MACROD2: variants seen among roughly 807,000 people sequenced by gnomAD.
The protein encoded by MACROD2 is ADP-ribose glycohydrolase MACROD2.
In MACROD2, 36 loss-of-function variants were observed where a neutral mutation model predicts 70.4. The observed-to-expected ratio is 0.51, with a 90% CI of 0.39 to 0.68. The LOEUF (loss-of-function observed/expected upper bound fraction) is 0.68. Among genes scored for constraint, MACROD2 ranks in the 30% least tolerant of loss-of-function variants. MACROD2 has a pLI of 0.00. For synonymous variants in MACROD2, 172 were observed against 178.8 expected (o/e 0.96, Z 0.30); for missense variants, 496 against 538.4 (o/e 0.92, Z 0.78).
chr20:15,689,195 T>C (rs2050266792), intron 8 of MACROD2, among the ~76,000 whole-genome samples: 2 of 152,024 alleles, frequency 1.3e-5, no homozygotes, highest in Non-Finnish European at 2.9e-5. Flanking sequence ...TCCCAGCTAC[T>C]CAGGAGGCTG....
rs531071798 is a variant in MACROD2 at position 15,794,856 on chromosome 20, G to A, written c.646-67889G>A. Reference sequence around the variant, plus strand: ...TTCTCTCAAACCATATGCCACTAACGCCTGATTAGCTATGATCAGATAGAC... The same window carrying A: ...TTCTCTCAAACCATATGCCACTAACACCTGATTAGCTATGATCAGATAGAC... On this transcript the variant is annotated intron_variant, in intron 8 of 17. Coordinates refer to ENST00000684519, the MANE Select transcript of MACROD2 (RefSeq NM_001351661.2). Among the ~76,000 whole-genome samples the A allele has an allele frequency of 4.6e-5, 7 of 152,208 alleles. No individual in the cohort carries two copies. In the South Asian group the frequency reaches 6.2e-4, roughly 14 times the overall value.
intron 4 of MACROD2, among the ~76,000 whole-genome samples, chr20:14,676,297 T>C (rs2123573363): frequency 6.6e-6 from 1 of 152,104 alleles, no homozygotes; most frequent in East Asian, 1.9e-4. Flanking sequence ...ACAACACACT[T>C]ATTCCACATA....
intron 3 of MACROD2, among the ~76,000 whole-genome samples, chr20:14,196,642 T>G (rs1015827141): frequency 1.6e-4 from 24 of 152,202 alleles, no homozygotes; most frequent in African/African-American, 5.8e-4. Context: ...TTGGTGTATA[T>G]TTCAGCATGA....
At chr20:15,829,686 T>G (rs2064033637) in intron 8 of MACROD2, among the ~76,000 whole-genome samples, 1 of 152,178 alleles carries the variant, frequency 6.6e-6, no homozygotes, top group Non-Finnish European at 1.5e-5. Flanking sequence ...TCAAAAAGCA[T>G]ATGAAGTGCC....
At chr20:14,659,147 C>T (rs1015720098) in intron 4 of MACROD2, among the ~76,000 whole-genome samples, 1 of 152,018 alleles carries the variant, frequency 6.6e-6, no homozygotes, top group Non-Finnish European at 1.5e-5. Flanking sequence ...AATAACTAGC[C>T]TTTTTCATGA....
chr20:15,647,811 C>T (rs1458450505), intron 8 of MACROD2, among the ~76,000 whole-genome samples: 1 of 151,786 alleles, frequency 6.6e-6, no homozygotes, highest in African/African-American at 2.4e-5. Flanking sequence ...CCTCAGCCTC[C>T]CAGGTTCAAG....
chr20:15,135,962 T>A (rs1012569934), intron 5 of MACROD2, among the ~76,000 whole-genome samples: 21 of 150,388 alleles, frequency 1.4e-4, no homozygotes, highest in African/African-American at 5.1e-4. Context: ...CCATTCACAA[T>A]TGCTTCAAAG....
intron 4 of MACROD2, among the ~76,000 whole-genome samples, chr20:14,561,805 C>T (rs747208020): frequency 6.6e-6 from 1 of 151,748 alleles, no homozygotes; most frequent in East Asian, 1.9e-4. Context: ...CTAGTGCTGC[C>T]TCTTCTCTAT....
chr20:16,038,528 T>TG (rs199554522), intron 15 of MACROD2, among the ~76,000 whole-genome samples: 18 of 126,792 alleles, frequency 1.4e-4, no homozygotes, highest in African/African-American at 3.5e-4. Context: ...CTTGTTTTTG[T>TG]GGGGTTTTTT....
chr20:14,132,363 A>G (rs557485406), intron 3 of MACROD2, among the ~76,000 whole-genome samples: 1 of 151,986 alleles, frequency 6.6e-6, no homozygotes, highest in East Asian at 2.0e-4. Context: ...GGCTTTATTG[A>G]CAGCCTTTGA....
Position 15,431,623 on chromosome 20 carries a change from G to A in MACROD2, c.571+188G>A, listed in dbSNP as rs142773059. Among the ~76,000 whole-genome samples the A allele has an allele frequency of 7.2e-5, 11 of 152,056 alleles. No homozygotes were observed. In the East Asian group the frequency reaches 2.1e-3, roughly 29 times the overall value. ...AGATTCTTTTGGGTTCTTGAATTTG[G>A]TTATATCGGGTATCACATGAAATTA... On this transcript the variant is annotated intron_variant, in intron 7 of 17. Transcript: ENST00000684519.
At chr20:14,505,971 T>C (rs1003167356) in intron 4 of MACROD2, among the ~76,000 whole-genome samples, 8 of 152,208 alleles carry the variant, frequency 5.3e-5, no homozygotes. Flanking sequence ...CTGAACTTCA[T>C]AGTTGGAATC....
intron 3 of MACROD2, among the ~76,000 whole-genome samples, chr20:14,312,469 A>G (rs2082575910): frequency 6.6e-6 from 1 of 152,234 alleles, no homozygotes; most frequent in Non-Finnish European, 1.5e-5. Flanking sequence ...TTGAGGTAAT[A>G]TAAAAATTAT....
chr20:15,244,974 A>T (rs535219795), intron 6 of MACROD2, among the ~76,000 whole-genome samples: 27 of 152,246 alleles, frequency 1.8e-4, no homozygotes, highest in Non-Finnish European at 3.4e-4. Context: ...AGATCAGCAG[A>T]ACTCTCCATA....
intron 10 of MACROD2, among the ~76,000 whole-genome samples, chr20:15,929,758 T>C (rs1288501206): frequency 6.6e-6 from 1 of 152,190 alleles, no homozygotes; most frequent in East Asian, 1.9e-4. Context: ...AACTCTCCCA[T>C]GTAGAGTCAA....
At chr20:16,032,183 T>C (rs2067160260) in intron 15 of MACROD2, among the ~76,000 whole-genome samples, 1 of 152,136 alleles carries the variant, frequency 6.6e-6, no homozygotes, top group South Asian at 2.1e-4. Context: ...TGTTTTCACC[T>C]GTAAGTGGGA....
intron 5 of MACROD2, among the ~76,000 whole-genome samples, chr20:14,980,542 T>C (rs551538185): frequency 1.3e-5 from 2 of 152,190 alleles, no homozygotes; most frequent in Non-Finnish European, 2.9e-5. Flanking sequence ...CAGGTGGATA[T>C]AATCATTATT....
chr20:14,068,862 A>G (rs1264572728), intron 2 of MACROD2, among the ~76,000 whole-genome samples: 3 of 152,218 alleles, frequency 2.0e-5, no homozygotes, highest in African/African-American at 4.8e-5. Flanking sequence ...AGAACTTACA[A>G]GTTAATAGCT....
At chr20:14,104,918 C>A (rs571820886) in intron 3 of MACROD2, among the ~76,000 whole-genome samples, 2 of 152,276 alleles carry the variant, frequency 1.3e-5, no homozygotes, top group South Asian at 2.1e-4. Flanking sequence ...TAGTTCAGTT[C>A]TTGTAATTGC....
Sources: allele counts gnomAD v4.1 joint callset (sites outside exome capture counted in the v4.1 genomes callset), GRCh38; gene constraint gnomAD v4.1.1; transcripts MANE v1.5; gene names NCBI Gene and HGNC (gene_info 2026-07-23, HGNC 2026-07-21).